The following PYGM variants were observed in gnomAD, a reference collection of about 807,000 sequenced individuals.
PYGM encodes the protein glycogen phosphorylase, muscle associated, also known as glycogen phosphorylase, muscle form.
In PYGM, 81 loss-of-function variants were observed where a neutral mutation model predicts 99.3. The ratio of observed to expected loss-of-function variants is 0.82; its 90% confidence interval spans 0.68 to 0.98. The LOEUF (loss-of-function observed/expected upper bound fraction) is 0.98, where lower values mean the gene tolerates loss of function less well. Ranked by LOEUF, PYGM falls within the 50% of genes least tolerant of loss-of-function variation. PYGM has a pLI of 0.00. For missense variants in PYGM, 1,030 were observed against 1,158.1 expected, an observed-to-expected ratio of 0.89 and a Z score of 1.61; for synonymous variants, 436 against 451.5, an observed-to-expected ratio of 0.97 and a Z score of 0.44.
In PYGM at chr11:64,759,869, T is replaced by C. The variant is rs140938550; in HGVS notation, c.30A>G (p.Lys10=). ...GGCCACGCACACTGATTTGCTTTCT[T>C]TTCTCTTGGTCTGACAGGGGCCGGG... is the stretch of plus-strand genomic sequence containing the variant. MSRPLSDQE[K]RKQISVRGLA... The change falls in exon 1 of 20, where the codon AAA becomes AAG. Residue 10 remains lysine, a synonymous_variant. Transcript: ENST00000164139. 1.1e-5 allele frequency: 18 copies of C among 1,614,196 alleles called. No individual in the cohort carries two copies. Among genetic ancestry groups the C allele is most frequent in the Non-Finnish European group, 1.4e-5 (17 of 1,180,018 alleles).
At position 64,753,912 on chromosome 11, in the gene PYGM, C is replaced by T. The variant is rs1565535543; in HGVS notation, c.1206G>A (p.Gln402=). The change falls in exon 10 of 20, where the codon CAG becomes CAA. Residue 402 remains glutamine (Q), a synonymous_variant. Coordinates refer to ENST00000164139, the MANE Select transcript of PYGM (RefSeq NM_005609.4). Reference sequence around the variant, plus strand: ...AGCGCTGGTTGATCTCGTAGATGATCTGGAGGTGCCGCGGCAGCAGCGTCT... The same window carrying T: ...AGCGCTGGTTGATCTCGTAGATGATTTGGAGGTGCCGCGGCAGCAGCGTCT... ...LLETLLPRHL[Q]IIYEINQRFL... The T allele has an allele frequency of 1.3e-6, 2 of 1,589,616 alleles. No homozygotes were observed. Among genetic ancestry groups the T allele is most frequent in the Admixed American group, 3.5e-5 (2 of 56,668 alleles).
Position 64,754,014 on chromosome 11 carries a change from C to A in PYGM, c.1104G>T (p.Val368=). 1 of 1,603,574 alleles carries A rather than the reference C, an allele frequency of 6.2e-7. No individual in the cohort carries two copies. Among genetic ancestry groups the A allele is most frequent in the Non-Finnish European group, 8.5e-7 (1 of 1,174,968 alleles). Residue 368 remains valine (V), a synonymous_variant, in exon 10 of 20, where the codon GTG becomes GTT. Coordinates refer to ENST00000164139, the MANE Select transcript of PYGM (RefSeq NM_005609.4). The surrounding 1 kb of genome is among the most constrained non-coding windows in gnomAD (Gnocchi z 5.5). Reference sequence around the variant, plus strand: ...TGGTGTAGGCACAGGTCCTCACTGTCACATCCCACGCCTGGCACACGGGGT... The same window carrying A: ...TGGTGTAGGCACAGGTCCTCACTGTAACATCCCACGCCTGGCACACGGGGT... ...ERMDWDKAWD[V]TVRTCAYTNH...
rs370819554 is a variant in PYGM, at chr11:64,759,779, G to A, written c.120C>T (p.Leu40=). The A allele has an allele frequency of 4.0e-5, 64 of 1,614,082 alleles. No individual in the cohort carries two copies. The highest frequency in any genetic ancestry group is 3.3e-5 in the South Asian group (3 of 91,088). ...KNFNRHLHFT[L]VKDRNVATPR... ...GGGTGGCCACATTGCGGTCCTTTAC[G>A]AGTGTGAAATGCAGGTGCCGGTTGA... Residue 40 remains leucine, a synonymous_variant, in exon 1 of 20, where the codon CTC becomes CTT. Coordinates refer to ENST00000164139, the MANE Select transcript of PYGM (RefSeq NM_005609.4).
chr11:64,760,115 T>G (rs1592417673), upstream of PYGM: 1 of 715,510 alleles, frequency 1.4e-6, no homozygotes. Flanking sequence ...GAGGGAGAGG[T>G]GAGCTCCACT....
chr11:64,753,655 C>T lies in PYGM; in HGVS notation c.1267G>A (p.Val423Ile), dbSNP rs201389731. 7.4e-5 allele frequency: 119 copies of T among 1,608,726 alleles called. No individual in the cohort carries two copies. The highest frequency in any genetic ancestry group is 5.4e-5 in the Non-Finnish European group (64 of 1,179,334). Residue 423 changes from valine to isoleucine, a missense_variant, in exon 11 of 20, where the codon GTA (valine) becomes ATA (isoleucine). Physicochemically the swap from Val to Ile is conservative, Grantham distance 29 (BLOSUM62 3). Coordinates refer to ENST00000164139, the MANE Select transcript of PYGM (RefSeq NM_005609.4). ...AGCGACATGCGCCGCAGCCGGTCTA[C>T]GTCCCCTGGGAATGCGGCCGCCACC... ...NRVAAAFPGD[V>I]DRLRRMSLVE...
chr11:64,752,166 A>T, intron 13 of PYGM, 95 bp from the exon 14 acceptor site: 2 of 1,562,164 alleles, frequency 1.3e-6, no homozygotes, highest in Non-Finnish European at 1.8e-6. Flanking sequence ...GATGGCTACC[A>T]GGAGGCTCAC....
In PYGM at chr11:64,759,878, G is replaced by A; in HGVS notation, c.21C>T (p.Asp7=). 6.2e-7 allele frequency: 1 copy of A among 1,614,138 alleles called. No homozygotes were observed. The highest frequency in any genetic ancestry group is 8.5e-7 in the Non-Finnish European group (1 of 1,180,032). Residue 7 remains aspartate (D), a synonymous_variant, in exon 1 of 20, where the codon GAC becomes GAT. Coordinates refer to ENST00000164139, the MANE Select transcript of PYGM (RefSeq NM_005609.4). ...CACTGATTTGCTTTCTTTTCTCTTG[G>A]TCTGACAGGGGCCGGGACATGGCTG... is the stretch of plus-strand genomic sequence containing the variant. MSRPLS[D]QEKRKQISVR... is the part of the protein sequence containing the mutation.
chr11:64,756,398 G>A (rs999546629), intron 5 of PYGM, among the ~76,000 whole-genome samples: 4 of 152,236 alleles, frequency 2.6e-5, no homozygotes, highest in Non-Finnish European at 5.9e-5. Flanking sequence ...AGCCCATCTG[G>A]GGGCTGATGA....
chr11:64,757,686 G>T, intron 5 of PYGM, 93 bp downstream of exon 5: 1 of 1,559,032 alleles, frequency 6.4e-7, no homozygotes, highest in East Asian at 2.3e-5. Flanking sequence ...AGCATCCTCA[G>T]GTGTAAAATA....
In PYGM at chr11:64,754,542, G is replaced by A; in HGVS notation, c.999+151C>T. On this transcript the variant is annotated intron_variant, in intron 8 of 19. Coordinates refer to ENST00000164139, the MANE Select transcript of PYGM (RefSeq NM_005609.4). The surrounding 1 kb of genome is among the most constrained non-coding windows in gnomAD (Gnocchi z 5.5). ...AGGAGGAGGGAAGCCCAGGTTCTGA[G>A]CCTGTGGATTGTGAATCCTGAACAA... The A allele has an allele frequency of 1.6e-6, 2 of 1,245,356 alleles. No individual in the cohort carries two copies. The highest frequency in any genetic ancestry group is 2.7e-5 in the South Asian group (2 of 72,760). The allele number at this position is 1,245,356 out of a possible 1,614,324, so 77.1% of individuals were successfully genotyped here.
rs767929824 is a variant in PYGM, at chr11:64,754,066, C to A, written c.1093-41G>T. On this transcript the variant is annotated intron_variant, in intron 9 of 19. Coordinates refer to ENST00000164139, the MANE Select transcript of PYGM (RefSeq NM_005609.4). The surrounding 1 kb of genome is among the most constrained non-coding windows in gnomAD (Gnocchi z 5.5). ...GGCAGTCAGGATGCTGACCTCAGCC[C>A]AGTGGGTCTCCTCACACACTACGCA... The A allele has an allele frequency of 1.9e-6, 3 of 1,596,886 alleles. No homozygotes were observed. In the South Asian group the frequency reaches 3.4e-5, roughly 18 times the overall value.
rs2058382992 is a variant in PYGM at position 64,754,751 on chromosome 11, G to T, written c.941C>A (p.Ser314Tyr). 9.3e-6 allele frequency: 15 copies of T among 1,613,800 alleles called. No homozygotes were observed. The highest frequency in any genetic ancestry group is 1.2e-5 in the Non-Finnish European group (14 of 1,180,000). The stretch of plus-strand genomic sequence containing the variant: ...GGGATCACGGCAGCCGAACTTGGAA[G>T]ACTTGAAGCGACGGATGATGTCCTG... Reference protein sequence around the residue: ...TLQDIIRRFKSSKFGCRDPVR... With the variant: ...TLQDIIRRFKYSKFGCRDPVR... The change falls in exon 8 of 20, where the codon TCT becomes TAT. Residue 314 changes from serine to tyrosine, a missense_variant. Physicochemically the swap from Ser to Tyr is moderately radical, Grantham distance 144 (BLOSUM62 -2). Coordinates refer to ENST00000164139, the MANE Select transcript of PYGM (RefSeq NM_005609.4). The surrounding 1 kb of genome is among the most constrained non-coding windows in gnomAD (Gnocchi z 5.5).
chr11:64,751,584 C>G lies in PYGM; in HGVS notation c.1827+13G>C, dbSNP rs759290790. On this transcript the variant is annotated intron_variant, in intron 15 of 19. Coordinates refer to ENST00000164139, the MANE Select transcript of PYGM (RefSeq NM_005609.4). ...AAAGGACGGGAGCCCAGGGCTGGAG[C>G]CTGGCTTCTCACCTTCCCTCCAATC... 6.2e-7 allele frequency: 1 copy of G among 1,614,046 alleles called. No individual in the cohort carries two copies. The highest frequency in any genetic ancestry group is 1.1e-5 in the South Asian group (1 of 91,076).
intron 4 of PYGM, 140 bp downstream of exon 4, chr11:64,758,106 T>C: frequency 7.4e-7 from 1 of 1,356,368 alleles, no homozygotes. Flanking sequence ...CCAGCTGGCT[T>C]TGGGTCGGGG....
chr11:64,748,334 C>G (rs908783490), intron 17 of PYGM: 1 of 152,174 alleles, frequency 6.6e-6, no homozygotes, highest in Non-Finnish European at 1.5e-5. Flanking sequence ...GGACCATGCT[C>G]ACAACATCTC....
At position 64,758,583 on chromosome 11, in the gene PYGM, T is replaced by A. The variant is rs979531039; in HGVS notation, c.345+20A>T. 5 of 1,613,176 alleles carry A rather than the reference T, an allele frequency of 3.1e-6. No homozygotes were observed. In the African/African-American group the frequency reaches 6.7e-5, roughly 22 times the overall value. On this transcript the variant is annotated intron_variant, in intron 2 of 19. Transcript: ENST00000164139. ...AGTGGAATCCCCCAGTCCCCACGGC[T>A]TGCCCCACCCCACACACACCTGGTA...
At chr11:64,759,390 G>A (rs533341553) in intron 1 of PYGM, among the ~76,000 whole-genome samples, 2 of 152,006 alleles carry the variant, frequency 1.3e-5, no homozygotes, top group African/African-American at 4.8e-5. Context: ...GGCCACAGGC[G>A]CCGTCCTGCC....
In PYGM at chr11:64,757,830, G is replaced by A. The variant is rs749382405; in HGVS notation, c.609C>T (p.Phe203=). The A allele has an allele frequency of 1.1e-5, 17 of 1,614,040 alleles. No individual in the cohort carries two copies. Among genetic ancestry groups the A allele is most frequent in the Non-Finnish European group, 1.4e-5 (17 of 1,180,040 alleles). Residue 203 remains phenylalanine, a synonymous_variant, in exon 5 of 20, where the codon TTC becomes TTT. Transcript: ENST00000164139. ...GGCTGGTGTGCTCCACATGGCCGTA[G>A]AAGTGCACAGGTAGCGTGAACTCGG... The part of the protein sequence containing the change: ...ARPEFTLPVH[F]YGHVEHTSQG...
At chr11:64,753,326 G>C in intron 11 of PYGM, 139 bp from the exon 12 acceptor site, 2 of 1,180,466 alleles carry the variant, frequency 1.7e-6, no homozygotes, top group Non-Finnish European at 2.5e-6. Flanking sequence ...GGGGTGCTGT[G>C]TGTAAGAGGA....
Sources: gnomAD v4.1 joint callset for allele counts (sites outside exome capture counted in the v4.1 genomes callset) on GRCh38, gnomAD v4.1.1 for gene constraint, Gnocchi (gnomAD v3.1) non-coding constraint, MANE v1.5 for transcripts, NCBI Gene and HGNC (gene_info 2026-07-23, HGNC 2026-07-21) for gene names.